MLH3: variants seen among roughly 807,000 people sequenced by gnomAD.
MLH3 encodes the protein mutL homolog 3.
A neutral mutation model predicts 122.2 loss-of-function variants in MLH3; 82 were observed. That is an observed-to-expected ratio of 0.67 (90% CI 0.56 to 0.81). The LOEUF (loss-of-function observed/expected upper bound fraction) is 0.81. Ranked by LOEUF, MLH3 falls within the 30% of genes least tolerant of loss-of-function variation. The probability of loss-of-function intolerance (pLI) is 0.00; values close to 1 mark genes in which losing one functional copy is unlikely to be tolerated. For synonymous variants in MLH3, 524 were observed against 599.5 expected, an observed-to-expected ratio of 0.87 and a Z score of 1.84; for missense variants, 1,539 against 1,714.5, an observed-to-expected ratio of 0.90 and a Z score of 1.81.
intron 5 of MLH3, 26 bp from the exon 6 acceptor site, chr14:75,038,438 C>T (rs369710216): frequency 7.0e-7 from 1 of 1,425,492 alleles, no homozygotes; most frequent in Admixed American, 1.7e-5. Context: ...ATAAGTGGTA[C>T]AACACTAAAT....
intron 12 of MLH3, among the ~76,000 whole-genome samples, chr14:75,017,974 T>C (rs1458832562): frequency 9.0e-6 from 1 of 110,754 alleles, no homozygotes; most frequent in Non-Finnish European, 2.1e-5. Context: ...GGAGAAACGC[T>C]GTCTCTACTA....
At chr14:75,018,175 A>T (rs1890025072) in intron 12 of MLH3, among the ~76,000 whole-genome samples, 2 of 152,120 alleles carry the variant, frequency 1.3e-5, no homozygotes, top group Admixed American at 1.3e-4. Context: ...AAGATTTTGG[A>T]AAGCAGCAAC....
chr14:75,020,258 C>T (rs906602322), intron 11 of MLH3, among the ~76,000 whole-genome samples: 2 of 152,184 alleles, frequency 1.3e-5, no homozygotes, highest in African/African-American at 4.8e-5. Context: ...CACGAAGACC[C>T]TTGTGGGCCA....
At chr14:75,050,556 T>C (rs1308620578) in intron 1 of MLH3, among the ~76,000 whole-genome samples, 1 of 152,074 alleles carries the variant, frequency 6.6e-6, no homozygotes, top group Non-Finnish European at 1.5e-5. Context: ...CTCGCCACCA[T>C]GCCTGGCTAA....
At position 75,014,905 on chromosome 14, in the gene MLH3, T is replaced by C; in HGVS notation, c.*2177A>G. 5.6e-6 allele frequency: 1 copy of C among 179,940 alleles called. No homozygotes were observed. The highest frequency in any genetic ancestry group is 9.2e-5 in the East Asian group (1 of 10,892). The allele number at this position is 179,940 out of a possible 1,614,324, so 11.1% of individuals were successfully genotyped here. A position where few individuals can be genotyped will look rare whatever the true frequency, so the allele number is the denominator to read the frequency against. Reference sequence around the variant, plus strand: ...AATTCTGGCTCTTACAGCTAAGCCTTCAGCAAACCAGTTAACAGCTCCGAG... The same window carrying C: ...AATTCTGGCTCTTACAGCTAAGCCTCCAGCAAACCAGTTAACAGCTCCGAG... On this transcript the variant is annotated 3_prime_UTR_variant, in exon 13 of 13. Coordinates refer to ENST00000355774, the MANE Select transcript of MLH3 (RefSeq NM_001040108.2).
Position 75,047,211 on chromosome 14 carries a change from A to G in MLH3, c.2445T>C (p.Asp815=), listed in dbSNP as rs2139562532. ...TGTGGCTTGCTGGTTGACAACTACTATCTGAATCACTATGCTCCATAGTAG... is the reference window on the plus strand; with the variant it reads ...TGTGGCTTGCTGGTTGACAACTACTGTCTGAATCACTATGCTCCATAGTAG... ...KITTMEHSDS[D]SSCQPASHIL... The change falls in exon 2 of 13, where the codon GAT becomes GAC. Residue 815 remains aspartate, a synonymous_variant. Coordinates refer to ENST00000355774, the MANE Select transcript of MLH3 (RefSeq NM_001040108.2). 3.1e-6 allele frequency: 5 copies of G among 1,614,138 alleles called. No homozygotes were observed. Among genetic ancestry groups the G allele is most frequent in the Non-Finnish European group, 4.2e-6 (5 of 1,180,022 alleles).
At chr14:75,036,776 A>G (rs1186516041) in intron 6 of MLH3, 6 of 456,090 alleles carry the variant, frequency 1.3e-5, no homozygotes, top group Non-Finnish European at 2.2e-5. Flanking sequence ...GTCATCTTTT[A>G]CATACTTTCC....
chr14:75,034,085 T>G (rs1891226475), intron 6 of MLH3, among the ~76,000 whole-genome samples: 1 of 151,794 alleles, frequency 6.6e-6, no homozygotes, highest in Non-Finnish European at 1.5e-5. Flanking sequence ...TCCAGCTACT[T>G]GGGAGGCTGA....
chr14:75,047,990 C>A lies in MLH3; in HGVS notation c.1666G>T (p.Asp556Tyr). Residue 556 changes from aspartate to tyrosine, a missense_variant, in exon 2 of 13, where the codon GAT (aspartate) becomes TAT (tyrosine). Transcript: ENST00000355774. ...RIQNQPKRFK[D>Y]ATEVGCQPLP... Reference sequence around the variant, plus strand: ...GGCTGGCATCCCACTTCAGTAGCATCTTTAAATCTCTTTGGTTGATTCTGA... The same window carrying A: ...GGCTGGCATCCCACTTCAGTAGCATATTTAAATCTCTTTGGTTGATTCTGA... The A allele has an allele frequency of 6.2e-7, 1 of 1,614,120 alleles. No homozygotes were observed. The highest frequency in any genetic ancestry group is 8.5e-7 in the Non-Finnish European group (1 of 1,180,016).
chr14:75,035,011 C>T (rs1377972378), intron 6 of MLH3, among the ~76,000 whole-genome samples: 3 of 125,220 alleles, frequency 2.4e-5, no homozygotes, highest in Admixed American at 2.3e-4. Context: ...TGCAGTGAGC[C>T]GAGATTGCAC....
intron 9 of MLH3, among the ~76,000 whole-genome samples, chr14:75,024,890 T>C (rs1370353999): frequency 1.3e-5 from 2 of 152,122 alleles, no homozygotes; most frequent in Non-Finnish European, 2.9e-5. Context: ...TAAAAGACTC[T>C]AACAGATCCT....
chr14:75,026,822 G>T (rs1890655581), intron 9 of MLH3, among the ~76,000 whole-genome samples: 1 of 152,170 alleles, frequency 6.6e-6, no homozygotes, highest in Non-Finnish European at 1.5e-5. Context: ...AGTCAGGCTG[G>T]GTGCAGTGGC....
At chr14:75,032,552 C>T (rs1037535088) in intron 7 of MLH3, among the ~76,000 whole-genome samples, 2 of 152,102 alleles carry the variant, frequency 1.3e-5, no homozygotes, top group African/African-American at 4.8e-5. Context: ...GCAGGGTCTC[C>T]CAGTCTCTGG....
chr14:75,023,976 A>T (rs1024909569), intron 9 of MLH3, among the ~76,000 whole-genome samples: 1 of 152,192 alleles, frequency 6.6e-6, no homozygotes, highest in Non-Finnish European at 1.5e-5. Flanking sequence ...TTCCCAAACA[A>T]ACCTAAACAG....
chr14:75,033,094 G>C (rs1891161024), intron 7 of MLH3, among the ~76,000 whole-genome samples: 1 of 151,978 alleles, frequency 6.6e-6, no homozygotes, highest in Admixed American at 6.6e-5. Flanking sequence ...GTGTGGGAAG[G>C]CATGCCAAGA....
intron 9 of MLH3, among the ~76,000 whole-genome samples, chr14:75,023,934 C>T (rs1249485128): frequency 6.6e-6 from 1 of 152,250 alleles, no homozygotes; most frequent in East Asian, 1.9e-4. Context: ...GTAGTAGATA[C>T]TATATTACAT....
At chr14:75,031,148 G>A (rs534741475) in intron 8 of MLH3, among the ~76,000 whole-genome samples, 11 of 152,006 alleles carry the variant, frequency 7.2e-5, no homozygotes, top group African/African-American at 2.7e-4. Context: ...TATGTCATAG[G>A]GAAAAAAAGA....
intron 8 of MLH3, 114 bp from the exon 9 acceptor site, chr14:75,030,816 A>T: frequency 1.2e-6 from 1 of 856,918 alleles, no homozygotes; most frequent in Non-Finnish European, 1.9e-6. Context: ...AGGGCTTAAC[A>T]ACCGTATTGT....
chr14:75,042,236 C>T (rs1323649619), intron 3 of MLH3, 143 bp downstream of exon 3: 4 of 753,468 alleles, frequency 5.3e-6, no homozygotes, highest in South Asian at 1.5e-5. Flanking sequence ...TAATTAGTTC[C>T]GCTGTTAAAC....
Sources: gnomAD v4.1 joint callset for allele counts (sites outside exome capture counted in the v4.1 genomes callset) on GRCh38, gnomAD v4.1.1 for gene constraint, MANE v1.5 for transcripts, NCBI Gene and HGNC (gene_info 2026-07-23, HGNC 2026-07-21) for gene names.